HEATR4: variants seen among roughly 807,000 people sequenced by gnomAD.
HEATR4 encodes the protein HEAT repeat-containing protein 4.
Under a neutral mutation model 108.8 loss-of-function variants are expected in HEATR4, and 95 were observed. That is an observed-to-expected ratio of 0.87 (90% CI 0.74 to 1.04). The LOEUF (loss-of-function observed/expected upper bound fraction) is 1.04. Ranked by LOEUF, HEATR4 falls within the 50% of genes least tolerant of loss-of-function variation. The probability of loss-of-function intolerance (pLI) is 0.00; values close to 1 mark genes in which losing one functional copy is unlikely to be tolerated. For missense variants in HEATR4, 1,152 were observed against 1,253.8 expected, an observed-to-expected ratio of 0.92 and a Z score of 1.23; for synonymous variants, 443 against 459.4, an observed-to-expected ratio of 0.96 and a Z score of 0.46.
At chr14:73,590,079 G>T in the HEATR4 span, among the ~76,000 whole-genome samples, 2 of 152,048 alleles carry the variant, frequency 1.3e-5, no homozygotes, top group African/African-American at 4.8e-5. Context: ...AAACCTTCCC[G>T]CAACGTAGAA....
the HEATR4 span, among the ~76,000 whole-genome samples, chr14:73,603,276 C>T: frequency 6.6e-6 from 1 of 152,158 alleles, no homozygotes; most frequent in Non-Finnish European, 1.5e-5. Flanking sequence ...ATTTGGCAAA[C>T]CTAATATTTG....
chr14:73,481,966 T>C (rs1215534693), intron 17 of HEATR4, among the ~76,000 whole-genome samples: 1 of 151,714 alleles, frequency 6.6e-6, no homozygotes, highest in East Asian at 1.9e-4. Flanking sequence ...CCACTGCAAC[T>C]CCAGCTTAGG....
rs1886842912 is a variant in HEATR4, at chr14:73,506,574, G to A, written c.1882-3C>T. 1.2e-6 allele frequency: 2 copies of A among 1,606,934 alleles called. No individual in the cohort carries two copies. The highest frequency in any genetic ancestry group is 2.2e-5 in the South Asian group (2 of 90,954). On this transcript the variant is annotated splice_region_variant and splice_polypyrimidine_tract_variant and intron_variant, in intron 9 of 17. Transcript: ENST00000553558. ...GCAAGCATGGTGTGTATCAGGGTCT[G>A]AGGAAATGGAAGACTTGTATGGATA...
At chr14:73,579,296 G>T in the HEATR4 span, among the ~76,000 whole-genome samples, 1 of 129,434 alleles carries the variant, frequency 7.7e-6, no homozygotes, top group Non-Finnish European at 1.7e-5. Context: ...AAAAAAAAAC[G>T]CTGGGTGTGG....
the HEATR4 span, among the ~76,000 whole-genome samples, chr14:73,620,671 G>A: frequency 1.3e-5 from 2 of 151,904 alleles, no homozygotes; most frequent in South Asian, 2.1e-4. Context: ...AGGTTCAAGC[G>A]ATTCTCCTGC....
chr14:73,483,560 G>A (rs898081492), intron 17 of HEATR4, among the ~76,000 whole-genome samples: 2 of 152,000 alleles, frequency 1.3e-5, no homozygotes, highest in African/African-American at 4.8e-5. Flanking sequence ...ATGTGATGAT[G>A]AAAAATAAAT....
chr14:73,633,284 C>T, the HEATR4 span, among the ~76,000 whole-genome samples: 1 of 152,138 alleles, frequency 6.6e-6, no homozygotes, highest in Admixed American at 6.5e-5. Flanking sequence ...GGATTACAGG[C>T]GTGAGCCACT....
intron 17 of HEATR4, among the ~76,000 whole-genome samples, chr14:73,488,844 G>A (rs1022507375): frequency 6.6e-6 from 1 of 151,984 alleles, no homozygotes; most frequent in African/African-American, 2.4e-5. Context: ...CCAACATGGT[G>A]AAACCCTGTC....
chr14:73,515,711 A>C, intron 5 of HEATR4, among the ~76,000 whole-genome samples: 1 of 121,220 alleles, frequency 8.2e-6, no homozygotes. Flanking sequence ...GTCCTGTGAG[A>C]CTCCAGGGCA....
the HEATR4 span, among the ~76,000 whole-genome samples, chr14:73,584,923 C>T: frequency 6.6e-6 from 1 of 151,842 alleles, no homozygotes; most frequent in African/African-American, 2.4e-5. Flanking sequence ...CAGTGTCCCC[C>T]ACTTCCTGAT....
chr14:73,546,389 T>C (rs1422335000), intron 1 of HEATR4, among the ~76,000 whole-genome samples: 1 of 107,528 alleles, frequency 9.3e-6, no homozygotes, highest in Non-Finnish European at 2.0e-5. Context: ...AGACGAGATC[T>C]AACTCTCACC....
In HEATR4 at chr14:73,542,430, A is replaced by G. The variant is rs1889119134; in HGVS notation, c.-151-12186T>C. ...TTTTTTTTTTTTTTTTTTAAGACGG[A>G]GTCTTGCCGTGTCAACGAGGCTGGA... On this transcript the variant is annotated intron_variant, in intron 1 of 17. Transcript: ENST00000553558. Among the ~76,000 whole-genome samples, 3 of 81,576 alleles carry G rather than the reference A, an allele frequency of 3.7e-5. 1 individual carries two copies. The highest frequency in any genetic ancestry group is 1.9e-3 in the East Asian group (2 of 1,042). The allele number at this position is 81,576 out of a possible 152,430, so 53.5% of individuals were successfully genotyped here.
At chr14:73,497,846 A>C (rs1452530312) in intron 14 of HEATR4, among the ~76,000 whole-genome samples, 1 of 151,342 alleles carries the variant, frequency 6.6e-6, no homozygotes, top group Non-Finnish European at 1.5e-5. Flanking sequence ...GGCTGGTCTC[A>C]AACTCCCGAC....
chr14:73,588,917 G>C, the HEATR4 span, among the ~76,000 whole-genome samples: 1 of 150,780 alleles, frequency 6.6e-6, no homozygotes. Context: ...TTTTTTTTAC[G>C]TTTTATATTT....
At chr14:73,610,437 C>G in the HEATR4 span, among the ~76,000 whole-genome samples, 1 of 151,972 alleles carries the variant, frequency 6.6e-6, no homozygotes, top group South Asian at 2.1e-4. Flanking sequence ...ATTACAGGCG[C>G]GTGCTGCCAC....
chr14:73,574,068 G>T, the HEATR4 span, among the ~76,000 whole-genome samples: 2 of 149,678 alleles, frequency 1.3e-5, no homozygotes, highest in African/African-American at 2.5e-5. Flanking sequence ...ATGGGGTTTC[G>T]CCATGTTGGC....
chr14:73,560,205 C>G (rs1889498397), upstream of HEATR4, among the ~76,000 whole-genome samples: 1 of 152,122 alleles, frequency 6.6e-6, no homozygotes, highest in Admixed American at 6.6e-5. Context: ...GCCTAAGGCT[C>G]TGTCTCGTTG....
In HEATR4 at chr14:73,534,775, T is replaced by C. The variant is rs1238502891; in HGVS notation, c.-151-4531A>G. Among the ~76,000 whole-genome samples, 3 of 112,548 alleles carry C rather than the reference T, an allele frequency of 2.7e-5. 1 individual carries two copies. Among genetic ancestry groups the C allele is most frequent in the Non-Finnish European group, 5.8e-5 (3 of 52,072 alleles). The allele number at this position is 112,548 out of a possible 152,430, so 73.8% of individuals were successfully genotyped here. On this transcript the variant is annotated intron_variant, in intron 1 of 17. Coordinates refer to ENST00000553558, the MANE Select transcript of HEATR4 (RefSeq NM_001220484.1). ...ACAGTTTGAAATAGTTAGATGTGTG[T>C]TTTTTTTAATTTTCATGTCTTATCT...
At chr14:73,487,075 G>A (rs1313784765) in intron 17 of HEATR4, among the ~76,000 whole-genome samples, 1 of 147,988 alleles carries the variant, frequency 6.8e-6, no homozygotes, top group Non-Finnish European at 1.5e-5. Flanking sequence ...AGACCATCCT[G>A]GCTAACATGG....
Sources: allele counts gnomAD v4.1 joint callset (sites outside exome capture counted in the v4.1 genomes callset), GRCh38; gene constraint gnomAD v4.1.1; transcripts MANE v1.5; gene names NCBI Gene and HGNC (gene_info 2026-07-23, HGNC 2026-07-21).